Variants in PARD3 observed in about 807,000 individuals in gnomAD.
PARD3 encodes the protein partitioning defective 3 homolog.
A neutral mutation model predicts 155.4 loss-of-function variants in PARD3; 75 were observed. That is an observed-to-expected ratio of 0.48 (90% CI 0.40 to 0.58). The LOEUF (loss-of-function observed/expected upper bound fraction) is 0.58, where lower values mean the gene tolerates loss of function less well. Among genes scored for constraint, PARD3 ranks in the 20% least tolerant of loss-of-function variants. The pLI is 0.00. For synonymous variants in PARD3, 576 were observed against 610.5 expected (o/e 0.94, Z 0.83); for missense variants, 1,642 against 1,721.7 (o/e 0.95, Z 0.82).
At chr10:34,751,182 C>A (rs1203335980) in intron 1 of PARD3, among the ~76,000 whole-genome samples, 1 of 151,258 alleles carries the variant, frequency 6.6e-6, no homozygotes, top group African/African-American at 2.4e-5. Context: ...GGGGATAATA[C>A]CCTCAACTGA....
At chr10:34,637,093 A>T (rs994119119) in intron 2 of PARD3, among the ~76,000 whole-genome samples, 6 of 152,242 alleles carry the variant, frequency 3.9e-5, no homozygotes, top group African/African-American at 1.4e-4. Flanking sequence ...CAAGGATTTA[A>T]ATAGTTAAGT....
At chr10:34,431,874 C>T (rs889751271) in intron 5 of PARD3, among the ~76,000 whole-genome samples, 2 of 149,794 alleles carry the variant, frequency 1.3e-5, no homozygotes, top group African/African-American at 2.5e-5. Context: ...ACGGTGAAAC[C>T]CCGTATCTAC....
intron 2 of PARD3, among the ~76,000 whole-genome samples, chr10:34,564,543 G>A (rs2085769201): frequency 6.6e-6 from 1 of 152,240 alleles, no homozygotes; most frequent in African/African-American, 2.4e-5. Flanking sequence ...TAGCTGGAAT[G>A]TGTGTGATGG....
chr10:34,345,480 C>A, intron 15 of PARD3: 1 of 985,032 alleles, frequency 1.0e-6, no homozygotes, highest in Non-Finnish European at 1.2e-6. Flanking sequence ...GAAGTAAATA[C>A]CTCAACCTCC....
intron 2 of PARD3, among the ~76,000 whole-genome samples, chr10:34,661,717 C>T (rs2133152328): frequency 6.6e-6 from 1 of 152,234 alleles, no homozygotes; most frequent in South Asian, 2.1e-4. Flanking sequence ...ATTCAATGGT[C>T]TATAATTAAA....
intron 16 of PARD3, among the ~76,000 whole-genome samples, chr10:34,340,148 T>C (rs575105177): frequency 1.3e-4 from 20 of 152,298 alleles, no homozygotes; most frequent in Non-Finnish European, 2.2e-4. Flanking sequence ...CCTCACCATT[T>C]TGCAAATCCC....
chr10:34,655,335 T>G (rs1238049563), intron 2 of PARD3, among the ~76,000 whole-genome samples: 1 of 152,142 alleles, frequency 6.6e-6, no homozygotes, highest in Non-Finnish European at 1.5e-5. Context: ...TATAAATTGT[T>G]CTAGAATATT....
At chr10:34,616,457 T>C (rs1290960058) in intron 2 of PARD3, among the ~76,000 whole-genome samples, 4 of 152,144 alleles carry the variant, frequency 2.6e-5, no homozygotes, top group Non-Finnish European at 5.9e-5. Context: ...TTATTCACAA[T>C]AGACAAAATA....
chr10:34,693,135 T>C (rs2094102052), intron 2 of PARD3, among the ~76,000 whole-genome samples: 1 of 152,164 alleles, frequency 6.6e-6, no homozygotes, highest in Non-Finnish European at 1.5e-5. Flanking sequence ...AAGGGAATGT[T>C]TATACGCTGC....
intron 3 of PARD3, among the ~76,000 whole-genome samples, chr10:34,505,467 G>C (rs2080998646): frequency 6.6e-6 from 1 of 152,154 alleles, no homozygotes; most frequent in South Asian, 2.1e-4. Context: ...GATACAGAGA[G>C]CTTTGTGCAC....
At chr10:34,482,581 A>AAT (rs1198737563) in intron 3 of PARD3, among the ~76,000 whole-genome samples, 4,666 of 152,308 alleles carry the variant, frequency 0.031, 237 homozygotes, top group African/African-American at 0.11. Flanking sequence ...GACAGTTAGA[A>AAT]GAGTACTAAA....
chr10:34,733,787 A>T (rs1484463987), intron 1 of PARD3, among the ~76,000 whole-genome samples: 1 of 152,248 alleles, frequency 6.6e-6, no homozygotes, highest in African/African-American at 2.4e-5. Flanking sequence ...GGCGTGAGCC[A>T]CCGCACCCTG....
intron 22 of PARD3, among the ~76,000 whole-genome samples, chr10:34,190,994 C>T (rs1488330770): frequency 6.6e-6 from 1 of 151,748 alleles, no homozygotes; most frequent in Admixed American, 6.6e-5. Flanking sequence ...GAGCCCAGAC[C>T]CCTTAAGACA....
At chr10:34,747,274 C>T (rs991774671) in intron 1 of PARD3, among the ~76,000 whole-genome samples, 5 of 151,978 alleles carry the variant, frequency 3.3e-5, no homozygotes, top group African/African-American at 4.8e-5. Flanking sequence ...GGAGCTGGGG[C>T]GGCAGGGGCT....
intron 7 of PARD3, among the ~76,000 whole-genome samples, chr10:34,398,089 C>T (rs1013862392): frequency 6.6e-6 from 1 of 152,084 alleles, no homozygotes; most frequent in African/African-American, 2.4e-5. Flanking sequence ...ATGAATATAA[C>T]ACCACTTGAA....
At chr10:34,600,207 G>A (rs935457014) in intron 2 of PARD3, among the ~76,000 whole-genome samples, 4 of 150,786 alleles carry the variant, frequency 2.7e-5, no homozygotes, top group Non-Finnish European at 5.9e-5. Context: ...TTAACCAAAC[G>A]TGGTGTCACC....
chr10:34,298,972 G>A (rs1343266963), intron 20 of PARD3, among the ~76,000 whole-genome samples: 1 of 152,176 alleles, frequency 6.6e-6, no homozygotes, highest in Non-Finnish European at 1.5e-5. Flanking sequence ...TCAAGGCATG[G>A]AGATAAGCAA....
intron 1 of PARD3, among the ~76,000 whole-genome samples, chr10:34,803,355 T>A (rs185694682): frequency 1.3e-5 from 2 of 152,310 alleles, no homozygotes; most frequent in East Asian, 3.9e-4. Flanking sequence ...AGAATCCTGA[T>A]CCATGATGTG....
intron 20 of PARD3, among the ~76,000 whole-genome samples, chr10:34,285,884 C>A (rs7092183): frequency 6.6e-6 from 1 of 152,000 alleles, no homozygotes; most frequent in African/African-American, 2.4e-5. Context: ...TATTATTATA[C>A]AGTAATCAAA....
Sources: gnomAD v4.1 joint callset for allele counts (sites outside exome capture counted in the v4.1 genomes callset) on GRCh38, gnomAD v4.1.1 for gene constraint, MANE v1.5 for transcripts, NCBI Gene and HGNC (gene_info 2026-07-23, HGNC 2026-07-21) for gene names.